Variants in TEX11 observed in about 807,000 individuals in gnomAD.
TEX11 encodes the protein testis expressed 11, also known as testis-expressed protein 11.
Under a neutral mutation model 84.4 loss-of-function variants are expected in TEX11, and 7 were observed. That is an observed-to-expected ratio of 0.08 (90% CI 0.05 to 0.16). The LOEUF (loss-of-function observed/expected upper bound fraction) is 0.16. Among genes scored for constraint, TEX11 ranks in the 10% least tolerant of loss-of-function variants. The pLI is 1.00. For missense variants in TEX11, 551 were observed against 660.5 expected (o/e 0.83, Z 1.82); for synonymous variants, 264 against 222.8 (o/e 1.18, Z -1.64).
intron 2 of TEX11, among the ~76,000 whole-genome samples, chrX:70,889,039 G>A (rs13441059): frequency 0.25 from 27,076 of 109,918 alleles, 3,190 homozygotes; most frequent in Middle Eastern, 0.46. Context: ...AAAAGCTGAG[G>A]GATTTCATCA....
At chrX:70,854,076 C>G (rs534085073) in intron 5 of TEX11, among the ~76,000 whole-genome samples, 2 of 112,104 alleles carry the variant, frequency 1.8e-5, no homozygotes, top group African/African-American at 6.5e-5. Context: ...CACAGAATTT[C>G]AAATCAAATA....
intron 17 of TEX11, among the ~76,000 whole-genome samples, chrX:70,638,790 C>T (rs1327288199): frequency 1.6e-5 from 1 of 63,423 alleles, no homozygotes; most frequent in Non-Finnish European, 3.0e-5. Flanking sequence ...GACAGAGCAA[C>T]TGTCTCAAAA....
chrX:70,570,012 G>A (rs1407385009), intron 25 of TEX11, among the ~76,000 whole-genome samples: 1 of 112,160 alleles, frequency 8.9e-6, no homozygotes, highest in African/African-American at 3.2e-5. Context: ...CCCAGAGGTG[G>A]AGCCTACAGA....
chrX:70,799,643 T>C (rs1347768796), intron 9 of TEX11, among the ~76,000 whole-genome samples: 1 of 112,304 alleles, frequency 8.9e-6, no homozygotes, highest in East Asian at 2.8e-4. Flanking sequence ...ACTGCTTTTA[T>C]TGTAATTTCT....
At chrX:70,579,315 C>G (rs1240306116) in intron 25 of TEX11, among the ~76,000 whole-genome samples, 1 of 100,686 alleles carries the variant, frequency 9.9e-6, no homozygotes, top group African/African-American at 3.6e-5. Context: ...GGTGAAACCC[C>G]ATCTCTACTA....
the TEX11 span, among the ~76,000 whole-genome samples, chrX:70,513,750 T>A: frequency 9.2e-6 from 1 of 108,226 alleles, no homozygotes. Context: ...AGGACAGAGT[T>A]CTCTATGATA....
chrX:70,615,524 G>A (rs1293761205), intron 20 of TEX11, among the ~76,000 whole-genome samples: 2 of 111,837 alleles, frequency 1.8e-5, no homozygotes, highest in African/African-American at 6.5e-5. Context: ...ATGATGCACA[G>A]CTACAAGATC....
At chrX:70,800,290 G>C (rs2091179455) in intron 9 of TEX11, among the ~76,000 whole-genome samples, 1 of 110,181 alleles carries the variant, frequency 9.1e-6, no homozygotes, top group Non-Finnish European at 1.9e-5. Context: ...TAACTATTGG[G>C]TACTGGGCTT....
At chrX:70,623,442 G>C (rs2089417400) in intron 20 of TEX11, among the ~76,000 whole-genome samples, 1 of 111,840 alleles carries the variant, frequency 8.9e-6, no homozygotes, top group Admixed American at 9.5e-5. Flanking sequence ...ACCTGATACA[G>C]AATCATAACC....
At chrX:70,735,120 T>C (rs913470370) in intron 11 of TEX11, among the ~76,000 whole-genome samples, 2 of 111,527 alleles carry the variant, frequency 1.8e-5, no homozygotes, top group African/African-American at 6.5e-5. Context: ...TGGCACAATC[T>C]TGGCTCACTG....
intron 11 of TEX11, among the ~76,000 whole-genome samples, chrX:70,737,727 G>GA (rs1200501699): frequency 9.2e-6 from 1 of 108,763 alleles, no homozygotes; most frequent in African/African-American, 3.3e-5. Flanking sequence ...TCTATACCTG[G>GA]AAAAAATATC....
chrX:70,752,160 C>G (rs747410692), intron 9 of TEX11, among the ~76,000 whole-genome samples: 1 of 111,774 alleles, frequency 8.9e-6, no homozygotes, highest in East Asian at 2.8e-4. Context: ...TATGTCTCAT[C>G]TTCTTTAAAA....
chrX:70,730,910 A>T lies in TEX11; in HGVS notation c.844-5567T>A, dbSNP rs1336095748. Among the ~76,000 whole-genome samples, 4 of 111,557 alleles carry T rather than the reference A, an allele frequency of 3.6e-5. No individual in the cohort carries two copies. The Admixed American group carries it at 3.8e-4, about 11-fold the overall frequency. On this transcript the variant is annotated intron_variant, in intron 11 of 29. Transcript: ENST00000374333. ...TTGACCACATACTTGGAAGTAAAGC[A>T]CTCCTCAGCAAATGTAAAACAACAG...
intron 16 of TEX11, among the ~76,000 whole-genome samples, chrX:70,662,669 G>A (rs1325329489): frequency 1.8e-5 from 2 of 111,540 alleles, no homozygotes; most frequent in Admixed American, 9.5e-5. Context: ...CTGATCTCTC[G>A]GCAGAAACTC....
chrX:70,899,845 TA>T (rs746225121), intron 2 of TEX11, among the ~76,000 whole-genome samples: 2,680 of 30,564 alleles, frequency 0.088, 119 homozygotes, highest in African/African-American at 0.18. Context: ...GGTCCTGTAT[TA>T]AAAAAAAAAA....
At chrX:70,868,115 G>C (rs964614828) in intron 4 of TEX11, among the ~76,000 whole-genome samples, 2 of 111,526 alleles carry the variant, frequency 1.8e-5, no homozygotes, top group Admixed American at 1.9e-4. Flanking sequence ...GAAAATTTTT[G>C]CCATCTATCC....
intron 15 of TEX11, among the ~76,000 whole-genome samples, chrX:70,676,315 T>C (rs1381716807): frequency 8.9e-6 from 1 of 112,656 alleles, no homozygotes; most frequent in Non-Finnish European, 1.9e-5. Context: ...GTGGCTACAC[T>C]ATTTTACATT....
chrX:70,716,643 G>A (rs193141796), intron 13 of TEX11, among the ~76,000 whole-genome samples: 42 of 112,446 alleles, frequency 3.7e-4, no homozygotes, highest in African/African-American at 1.0e-3. Flanking sequence ...TTGGAAAAGC[G>A]CAGTATTATG....
intron 17 of TEX11, among the ~76,000 whole-genome samples, chrX:70,649,350 C>G (rs1603193675): frequency 8.9e-6 from 1 of 112,000 alleles, no homozygotes; most frequent in East Asian, 2.8e-4. Flanking sequence ...TAAAAGCATT[C>G]CTATTTCTCT....
Sources: gnomAD v4.1 joint callset for allele counts (sites outside exome capture counted in the v4.1 genomes callset) on GRCh38, gnomAD v4.1.1 for gene constraint, MANE v1.5 for transcripts, NCBI Gene and HGNC (gene_info 2026-07-23, HGNC 2026-07-21) for gene names.